The following THOC5 variants were observed in gnomAD, a reference collection of about 807,000 sequenced individuals.
THOC5 encodes the protein Fms-interacting protein.
In THOC5, 43 loss-of-function variants were observed where a neutral mutation model predicts 92.9. That is an observed-to-expected ratio of 0.46 (90% CI 0.36 to 0.60). The LOEUF (loss-of-function observed/expected upper bound fraction) is 0.60. Among genes scored for constraint, THOC5 ranks in the 20% least tolerant of loss-of-function variants. THOC5 has a pLI of 0.00. For missense variants in THOC5, 659 were observed against 849.4 expected (o/e 0.78, Z 2.79); for synonymous variants, 296 against 320.1 (o/e 0.92, Z 0.80).
chr22:29,529,252 A>T lies in THOC5; in HGVS notation c.848-13T>A. On this transcript the variant is annotated splice_polypyrimidine_tract_variant and intron_variant, in intron 8 of 19. Transcript: ENST00000490103. ...GATAACGTCTTATCTGGGGGGCAAG[A>T]AGAAGTCTGTTAGGAAAGCTGCTGA... 6.2e-7 allele frequency: 1 copy of T among 1,614,144 alleles called. No homozygotes were observed. Among genetic ancestry groups the T allele is most frequent in the Non-Finnish European group, 8.5e-7 (1 of 1,179,996 alleles).
chr22:29,521,492 T>C (rs2063440573), intron 12 of THOC5, among the ~76,000 whole-genome samples: 1 of 152,188 alleles, frequency 6.6e-6, no homozygotes, highest in African/African-American at 2.4e-5. Context: ...CAAAGTCCCA[T>C]GACACCATCA....
chr22:29,521,227 C>A, intron 12 of THOC5, 128 bp from the exon 13 acceptor site: 1 of 701,446 alleles, frequency 1.4e-6, no homozygotes, highest in East Asian at 2.5e-5. Context: ...TGAAGGCTTT[C>A]TGTGGGCCAG....
chr22:29,540,843 C>A (rs56166672), intron 5 of THOC5, among the ~76,000 whole-genome samples: 27,089 of 152,156 alleles, frequency 0.18, 2,689 homozygotes, highest in East Asian at 0.43. Flanking sequence ...AAGTACAGAC[C>A]TGATGCAGAT....
In THOC5 at chr22:29,511,240, G is replaced by T. The variant is rs2063215892; in HGVS notation, c.1854C>A (p.Ser618Arg). The T allele has an allele frequency of 1.2e-6, 2 of 1,614,078 alleles. No homozygotes were observed. The highest frequency in any genetic ancestry group is 2.2e-5 in the South Asian group (2 of 91,090). The change falls in exon 19 of 20, where the codon AGC (serine) becomes AGA (arginine). Residue 618 changes from serine to arginine, a missense_variant. By Grantham distance (110) the Ser-to-Arg change is moderately radical. Coordinates refer to ENST00000490103, the MANE Select transcript of THOC5 (RefSeq NM_003678.5). ...GCAGCTGGTTGGTCAACAGCTGGTG[G>T]CTGGGCCAAGGGCCACACAGCTCCT... is the stretch of plus-strand genomic sequence containing the variant. Reference protein sequence around the residue: ...CYKELCGPWPSHQLLTNQLQR... With the variant: ...CYKELCGPWPRHQLLTNQLQR...
At chr22:29,544,811 T>C (rs1429572951) in intron 2 of THOC5, among the ~76,000 whole-genome samples, 1 of 152,188 alleles carries the variant, frequency 6.6e-6, no homozygotes, top group Non-Finnish European at 1.5e-5. Context: ...GAGTAATGCA[T>C]GCCTGGTATC....
intron 7 of THOC5, among the ~76,000 whole-genome samples, chr22:29,533,511 G>A (rs1008638491): frequency 1.3e-5 from 2 of 152,054 alleles, no homozygotes; most frequent in African/African-American, 4.8e-5. Flanking sequence ...TAAATAGAAA[G>A]ATTTCTTAAA....
intron 1 of THOC5, chr22:29,550,933 A>T (rs2064129145): frequency 6.6e-6 from 1 of 152,130 alleles, no homozygotes; most frequent in South Asian, 2.1e-4. Flanking sequence ...TTTGTCTTTA[A>T]CATCTATGAA....
At chr22:29,527,692 T>C (rs2063570835) in intron 11 of THOC5, among the ~76,000 whole-genome samples, 1 of 152,202 alleles carries the variant, frequency 6.6e-6, no homozygotes, top group South Asian at 2.1e-4. Flanking sequence ...TTTTATTATA[T>C]GGTACTTTTT....
Position 29,521,118 on chromosome 22 carries a change from T to G in THOC5, c.1176-19A>C. The G allele has an allele frequency of 6.3e-7, 1 of 1,579,628 alleles. No individual in the cohort carries two copies. The highest frequency in any genetic ancestry group is 8.7e-7 in the Non-Finnish European group (1 of 1,148,880). ...CAAGTCACTAGAAAAGGAAAAACAG[T>G]AAGCAGTGAGAATGCAGCCAACATC... On this transcript the variant is annotated intron_variant, in intron 12 of 19. Coordinates refer to ENST00000490103, the MANE Select transcript of THOC5 (RefSeq NM_003678.5).
At chr22:29,534,966 A>G (rs1000370068) in intron 7 of THOC5, 7 of 150,938 alleles carry the variant, frequency 4.6e-5, no homozygotes, top group Non-Finnish European at 8.8e-5. Flanking sequence ...CTCAAAAAAA[A>G]AAAAAAAAAA....
intron 13 of THOC5, 96 bp downstream of exon 13, chr22:29,520,902 G>A: frequency 2.3e-6 from 2 of 878,284 alleles, no homozygotes; most frequent in Admixed American, 1.9e-5. Flanking sequence ...TATCCTCTGG[G>A]TCACCTCTGG....
At chr22:29,533,289 TA>T (rs1461739106) in intron 7 of THOC5, among the ~76,000 whole-genome samples, 1 of 152,184 alleles carries the variant, frequency 6.6e-6, no homozygotes, top group Non-Finnish European at 1.5e-5. Context: ...AAAGCCACAG[TA>T]AATAAGACAG....
At chr22:29,528,290 C>T (rs1242254942) in intron 10 of THOC5, 113 bp from the exon 11 acceptor site, 3 of 1,614,022 alleles carry the variant, frequency 1.9e-6, no homozygotes, top group Admixed American at 1.7e-5. Flanking sequence ...CTTCAGCTAG[C>T]TGGGTTGTCA....
At chr22:29,516,917 C>T (rs1383493276) in intron 17 of THOC5, 112 bp downstream of exon 17, 1 of 938,510 alleles carries the variant, frequency 1.1e-6, no homozygotes, top group East Asian at 2.4e-5. Context: ...TCATTATTAT[C>T]TGTTAAGTCC....
At position 29,511,889 on chromosome 22, in the gene THOC5, G is replaced by A. The variant is rs149832028; in HGVS notation, c.1797+132C>T. 5.6e-3 allele frequency: 4,249 copies of A among 758,904 alleles called. 17 individuals are homozygous for A. The highest frequency in any genetic ancestry group is 8.3e-3 in the Non-Finnish European group (3,789 of 455,932). The allele number at this position is 758,904 out of a possible 1,614,324, so 47.0% of individuals were successfully genotyped here. Reference sequence around the variant, plus strand: ...CACCACACAAGCTCCAGCAAATTCTGCAAATCCTGGCACAACCTTCTGTTT... The same window carrying A: ...CACCACACAAGCTCCAGCAAATTCTACAAATCCTGGCACAACCTTCTGTTT... On this transcript the variant is annotated intron_variant, in intron 18 of 19. Transcript: ENST00000490103.
At chr22:29,545,329 C>A (rs928243694) in intron 2 of THOC5, among the ~76,000 whole-genome samples, 2 of 152,138 alleles carry the variant, frequency 1.3e-5, no homozygotes, top group African/African-American at 4.8e-5. Context: ...CAAACCATAT[C>A]ATTCCGCCCC....
chr22:29,532,292 T>G (rs564463867), intron 7 of THOC5, among the ~76,000 whole-genome samples: 44 of 150,432 alleles, frequency 2.9e-4, no homozygotes, highest in Non-Finnish European at 3.0e-4. Flanking sequence ...AGATGCCATT[T>G]CCACAAAAAA....
rs1487903210 is a variant in THOC5, at chr22:29,518,999, A to T, written c.1489+7T>A. 1.9e-6 allele frequency: 3 copies of T among 1,575,860 alleles called. No individual in the cohort carries two copies. In the East Asian group the frequency reaches 6.9e-5, roughly 36 times the overall value. On this transcript the variant is annotated splice_region_variant and intron_variant, in intron 15 of 19. Transcript: ENST00000490103. ...ACTCTTAAACCACTGCCCCATCATCAGCTTACCTAGGGATGCAAACTGTTT... is the reference window on the plus strand; with the variant it reads ...ACTCTTAAACCACTGCCCCATCATCTGCTTACCTAGGGATGCAAACTGTTT...
At chr22:29,533,369 T>C (rs756381824) in intron 7 of THOC5, among the ~76,000 whole-genome samples, 1 of 152,176 alleles carries the variant, frequency 6.6e-6, no homozygotes, top group Non-Finnish European at 1.5e-5. Context: ...ATTTGATTTG[T>C]AACAAAAGTG....
Sources: gnomAD v4.1 joint callset for allele counts (sites outside exome capture counted in the v4.1 genomes callset) on GRCh38, gnomAD v4.1.1 for gene constraint, MANE v1.5 for transcripts, NCBI Gene and HGNC (gene_info 2026-07-23, HGNC 2026-07-21) for gene names.